Variants in CABIN1 observed in about 807,000 individuals in gnomAD.
CABIN1 encodes the protein calcineurin-binding protein cabin-1.
Under a neutral mutation model 227.7 loss-of-function variants are expected in CABIN1, and 133 were observed. The observed-to-expected ratio is 0.58, with a 90% CI of 0.51 to 0.67. The LOEUF (loss-of-function observed/expected upper bound fraction) is 0.67, where lower values mean the gene tolerates loss of function less well. CABIN1 is among the 30% of genes least tolerant of loss of function. The pLI is 0.00. For synonymous variants in CABIN1, 1,086 were observed against 1,155.1 expected, an observed-to-expected ratio of 0.94 and a Z score of 1.21; for missense variants, 2,408 against 2,852.5, an observed-to-expected ratio of 0.84 and a Z score of 3.55.
chr22:24,127,527 A>G (rs2043808329), intron 28 of CABIN1, among the ~76,000 whole-genome samples: 1 of 152,208 alleles, frequency 6.6e-6, no homozygotes, highest in African/African-American at 2.4e-5. Flanking sequence ...GAATCAATGG[A>G]TCAGACAACA....
chr22:24,090,028 C>T (rs2147187532), intron 23 of CABIN1, among the ~76,000 whole-genome samples: 1 of 152,302 alleles, frequency 6.6e-6, no homozygotes, highest in South Asian at 2.1e-4. Context: ...CTGAGGATGG[C>T]AAGGTAGTGA....
At chr22:24,066,484 A>G (rs1008938246) in intron 15 of CABIN1, among the ~76,000 whole-genome samples, 1 of 152,236 alleles carries the variant, frequency 6.6e-6, no homozygotes, top group Non-Finnish European at 1.5e-5. Context: ...CATCTGTGAC[A>G]TGTCCACACT....
chr22:24,118,812 C>G (rs907324648), intron 27 of CABIN1, among the ~76,000 whole-genome samples: 14 of 152,226 alleles, frequency 9.2e-5, no homozygotes, highest in African/African-American at 3.4e-4. Context: ...CCCATGGCCC[C>G]TGGTGGAGCA....
At chr22:24,153,466 G>A (rs2148505264) in intron 29 of CABIN1, among the ~76,000 whole-genome samples, 1 of 152,334 alleles carries the variant, frequency 6.6e-6, no homozygotes, top group Middle Eastern at 3.4e-3. Context: ...TTTGAGCCCA[G>A]AGAATCCTCA....
intron 1 of CABIN1, among the ~76,000 whole-genome samples, chr22:24,021,493 T>C (rs2035726983): frequency 6.6e-6 from 1 of 152,074 alleles, no homozygotes; most frequent in East Asian, 1.9e-4. Context: ...TATTTATTAT[T>C]TTTTCAAGAG....
Position 24,049,092 on chromosome 22 carries a change from A to C in CABIN1, c.528A>C (p.Thr176=). Residue 176 remains threonine, a splice_region_variant and synonymous_variant, in exon 7 of 37, where the codon ACA becomes ACC. Coordinates refer to ENST00000263119, the MANE Select transcript of CABIN1 (RefSeq NM_012295.4). ...ATAAACTGTCTCTTTCCCCGCCAGC[A>C]TGTCTGTACTTCATCTGCAAAGCTT... is the stretch of plus-strand genomic sequence containing the variant. ...TVLYTLSDYT[T]CLYFICKALE... 6.2e-7 allele frequency: 1 copy of C among 1,613,968 alleles called. No homozygotes were observed. Among genetic ancestry groups the C allele is most frequent in the South Asian group, 1.1e-5 (1 of 91,070 alleles).
At chr22:24,070,720 C>T in intron 16 of CABIN1, 80 bp from the exon 17 acceptor site, 3 of 1,604,064 alleles carry the variant, frequency 1.9e-6, no homozygotes. Flanking sequence ...ATCTGTTTTC[C>T]TTCAGTTGTC....
At chr22:24,017,037 A>AT (rs1569069287) in intron 1 of CABIN1, among the ~76,000 whole-genome samples, 1 of 136,568 alleles carries the variant, frequency 7.3e-6, no homozygotes, top group Non-Finnish European at 1.6e-5. Context: ...CATACAATTT[A>AT]TCTTTTTTTT....
At chr22:24,092,619 C>T (rs1363270480) in intron 24 of CABIN1, among the ~76,000 whole-genome samples, 4 of 151,666 alleles carry the variant, frequency 2.6e-5, no homozygotes, top group Non-Finnish European at 5.9e-5. Flanking sequence ...CAGCAAGCCT[C>T]TTGGAGTGTG....
At chr22:24,143,456 C>A (rs1218417437) in intron 29 of CABIN1, among the ~76,000 whole-genome samples, 2 of 152,200 alleles carry the variant, frequency 1.3e-5, no homozygotes, top group Non-Finnish European at 2.9e-5. Flanking sequence ...AGCCCCCACC[C>A]CCTTTTGGTG....
At chr22:24,093,961 G>C (rs1386670934) in intron 24 of CABIN1, among the ~76,000 whole-genome samples, 1 of 152,180 alleles carries the variant, frequency 6.6e-6, no homozygotes, top group Non-Finnish European at 1.5e-5. Flanking sequence ...GCTTCCTGTT[G>C]AACGCTATCT....
chr22:24,158,115 G>T (rs918198273), intron 29 of CABIN1, among the ~76,000 whole-genome samples: 2 of 152,224 alleles, frequency 1.3e-5, no homozygotes, highest in African/African-American at 4.8e-5. Flanking sequence ...GCTCTCCCTT[G>T]GTTGCTCACA....
rs2148278549 is a variant in CABIN1 at position 24,138,206 on chromosome 22, T to G, written c.4746+3791T>G. Among the ~76,000 whole-genome samples the G allele has an allele frequency of 1.3e-5, 2 of 152,320 alleles. 1 individual carries two copies. Among genetic ancestry groups the G allele is most frequent in the South Asian group, 4.1e-4 (2 of 4,828 alleles). On this transcript the variant is annotated intron_variant, in intron 29 of 36. Transcript: ENST00000263119. ...GGAAAAATTCAAACCCCTTTTCCTT[T>G]GTTCTCACACCAACACAGCAGTCAA... is the stretch of plus-strand genomic sequence containing the variant.
rs1456149221 is a variant in CABIN1, at chr22:24,168,632, A to G, written c.5757+111A>G. ...CACTCTTGGGACTGTTCTTGTGGTC[A>G]GCTTGGGCTGAGGGGAGATGAGCAG... On this transcript the variant is annotated intron_variant, in intron 33 of 36. Coordinates refer to ENST00000263119, the MANE Select transcript of CABIN1 (RefSeq NM_012295.4). The G allele has an allele frequency of 3.3e-5, 31 of 950,574 alleles. No individual in the cohort carries two copies. In the East Asian group the frequency reaches 7.3e-4, roughly 22 times the overall value. 58.9% of individuals were successfully genotyped at this position (950,574 alleles called of 1,614,324 possible).
intron 29 of CABIN1, among the ~76,000 whole-genome samples, chr22:24,144,734 C>T (rs1457744220): frequency 6.6e-6 from 1 of 152,244 alleles, no homozygotes; most frequent in Admixed American, 6.5e-5. Flanking sequence ...TAGGCCTGTT[C>T]AGACTGTTGG....
chr22:24,029,178 AC>A (rs1279188937), intron 1 of CABIN1, among the ~76,000 whole-genome samples: 8 of 151,964 alleles, frequency 5.3e-5, no homozygotes, highest in Non-Finnish European at 1.2e-4. Context: ...ACATGGTGAA[AC>A]CCTGTTTCTA....
chr22:24,093,103 A>G (rs754904122), intron 24 of CABIN1, among the ~76,000 whole-genome samples: 1 of 152,204 alleles, frequency 6.6e-6, no homozygotes, highest in Non-Finnish European at 1.5e-5. Flanking sequence ...CAAGGACTAG[A>G]GTCCAAAGGT....
chr22:24,076,700 T>C (rs2040468558), intron 19 of CABIN1, among the ~76,000 whole-genome samples: 1 of 152,214 alleles, frequency 6.6e-6, no homozygotes, highest in South Asian at 2.1e-4. Context: ...AAGTAGTAGT[T>C]GCTCATTCAA....
intron 19 of CABIN1, 107 bp from the exon 20 acceptor site, chr22:24,083,121 T>G: frequency 8.8e-7 from 1 of 1,140,182 alleles, no homozygotes; most frequent in Admixed American, 1.8e-5. Context: ...CATAGCCACC[T>G]CAGGTTAAAA....
Sources: allele counts gnomAD v4.1 joint callset (sites outside exome capture counted in the v4.1 genomes callset), GRCh38; gene constraint gnomAD v4.1.1; transcripts MANE v1.5; gene names NCBI Gene and HGNC (gene_info 2026-07-23, HGNC 2026-07-21).